CYTH3: variants seen among roughly 807,000 people sequenced by gnomAD.
CYTH3 encodes cytohesin 3.
Under a neutral mutation model 55.1 loss-of-function variants are expected in CYTH3, and 23 were observed. The ratio of observed to expected loss-of-function variants is 0.42; its 90% confidence interval spans 0.30 to 0.59. The LOEUF (loss-of-function observed/expected upper bound fraction) is 0.59. CYTH3 is among the 20% of genes least tolerant of loss of function. The pLI is 0.20. For missense variants in CYTH3, 413 were observed against 524.8 expected, an observed-to-expected ratio of 0.79 and a Z score of 2.08; for synonymous variants, 249 against 194.9, an observed-to-expected ratio of 1.28 and a Z score of -2.31.
At chr7:6,244,159 C>G (rs1004086472) in intron 1 of CYTH3, among the ~76,000 whole-genome samples, 2 of 152,178 alleles carry the variant, frequency 1.3e-5, no homozygotes, top group African/African-American at 4.8e-5. Context: ...CAAAGTCGGA[C>G]ACTTTCAGAC....
rs1783210155 is a variant in CYTH3 at position 6,171,926 on chromosome 7, C to A, written c.450-612G>T. 1 of 154,900 alleles carries A rather than the reference C, an allele frequency of 6.5e-6. No homozygotes were observed. The highest frequency in any genetic ancestry group is 6.3e-5 in the Admixed American group (1 of 15,824). 9.6% of individuals were successfully genotyped at this position (154,900 alleles called of 1,614,324 possible). ...CCCCAGCCCAACAACCCGCCCCGCC[C>A]CCGCTCACTGCTTCCCTTCCTTGCG... On this transcript the variant is annotated intron_variant, in intron 6 of 12. Coordinates refer to ENST00000350796, the MANE Select transcript of CYTH3 (RefSeq NM_004227.4). The surrounding 1 kb of genome is among the most constrained non-coding windows in gnomAD (Gnocchi z 6.7).
intron 1 of CYTH3, among the ~76,000 whole-genome samples, chr7:6,201,333 A>C (rs1583779568): frequency 6.6e-6 from 1 of 152,228 alleles, no homozygotes; most frequent in South Asian, 2.1e-4. Context: ...GGCAGGCAGG[A>C]AAGCCGCAGA....
chr7:6,272,409 C>A, intron 1 of CYTH3, 65 bp downstream of exon 1: 1 of 1,212,386 alleles, frequency 8.2e-7, no homozygotes, highest in Admixed American at 3.4e-5. Flanking sequence ...GCCGCGCCCT[C>A]GACCCCCAGC....
chr7:6,230,608 T>C (rs774975238), intron 1 of CYTH3, among the ~76,000 whole-genome samples: 34 of 152,180 alleles, frequency 2.2e-4, no homozygotes, highest in Non-Finnish European at 4.6e-4. Context: ...GCGTCCACAA[T>C]ACTAGACACA....
At chr7:6,237,486 G>C (rs1779553356) in intron 1 of CYTH3, among the ~76,000 whole-genome samples, 1 of 152,108 alleles carries the variant, frequency 6.6e-6, no homozygotes, top group South Asian at 2.1e-4. Flanking sequence ...GAGGCGGGCG[G>C]ATCTCCAGGT....
intron 1 of CYTH3, among the ~76,000 whole-genome samples, chr7:6,219,283 AT>A (rs760148194): frequency 2.6e-5 from 4 of 152,310 alleles, no homozygotes; most frequent in Non-Finnish European, 5.9e-5. Context: ...TAATTGAGGC[AT>A]TTTCCAAGCA....
chr7:6,206,236 A>G (rs1157377994), intron 1 of CYTH3, among the ~76,000 whole-genome samples: 1 of 152,226 alleles, frequency 6.6e-6, no homozygotes, highest in Non-Finnish European at 1.5e-5. Context: ...ATTTAAAAAT[A>G]TATGGTCTAT....
chr7:6,165,540 C>T lies in CYTH3; in HGVS notation c.972+5G>A. On this transcript the variant is annotated splice_donor_5th_base_variant and intron_variant, in intron 11 of 12. Transcript: ENST00000350796. ...AGGAGAGAAGGTTCAGGAGGAAGAG[C>T]TTACGGGTTTCCGGGGGTCCTCCAC... 6.2e-7 allele frequency: 1 copy of T among 1,613,598 alleles called. No homozygotes were observed. Among genetic ancestry groups the T allele is most frequent in the Non-Finnish European group, 8.5e-7 (1 of 1,179,710 alleles).
chr7:6,251,983 T>A (rs144900282), intron 1 of CYTH3, among the ~76,000 whole-genome samples: 1 of 152,228 alleles, frequency 6.6e-6, no homozygotes, highest in Non-Finnish European at 1.5e-5. Context: ...GATCATTACA[T>A]TGATCATAAA....
intron 1 of CYTH3, among the ~76,000 whole-genome samples, chr7:6,238,645 A>T (rs1053445338): frequency 6.6e-6 from 1 of 152,158 alleles, no homozygotes. Flanking sequence ...ATTTGCCCAA[A>T]CCTATAGAAT....
At position 6,272,568 on chromosome 7, in the gene CYTH3, G is replaced by C; in HGVS notation, c.-61C>G. 8.3e-7 allele frequency: 1 copy of C among 1,198,224 alleles called. No homozygotes were observed. Among genetic ancestry groups the C allele is most frequent in the South Asian group, 2.4e-5 (1 of 41,996 alleles). The allele number at this position is 1,198,224 out of a possible 1,614,324, so 74.2% of individuals were successfully genotyped here. ...CGGCAGCAGAGGGGCCGCGGGCTGG[G>C]GACGCCGCCGGAGGGAGCGCGCAGG... On this transcript the variant is annotated 5_prime_UTR_variant, in exon 1 of 13. Transcript: ENST00000350796.
chr7:6,239,252 AGAG>A (rs1310527729), intron 1 of CYTH3, among the ~76,000 whole-genome samples: 5 of 152,102 alleles, frequency 3.3e-5, no homozygotes, highest in Admixed American at 3.3e-4. Context: ...AGGGGAGGGG[AGAG>A]GAGAGAAGAG....
chr7:6,225,045 G>GGACT (rs2128552417), intron 1 of CYTH3, among the ~76,000 whole-genome samples: 1 of 152,320 alleles, frequency 6.6e-6, no homozygotes, highest in South Asian at 2.1e-4. Context: ...GCTGGGGTAA[G>GGACT]GACTGACTGC....
At chr7:6,181,207 A>T (rs1348906734) in intron 4 of CYTH3, among the ~76,000 whole-genome samples, 1 of 152,208 alleles carries the variant, frequency 6.6e-6, no homozygotes, top group East Asian at 1.9e-4. Context: ...AAAATCTTTT[A>T]AACAATAAAT....
intron 1 of CYTH3, among the ~76,000 whole-genome samples, chr7:6,213,541 T>C (rs541729837): frequency 3.2e-4 from 49 of 152,190 alleles, no homozygotes; most frequent in African/African-American, 1.1e-3. Context: ...GTTTTTTGTT[T>C]GTTTGTTTGT....
chr7:6,235,855 T>C (rs1779509703), intron 1 of CYTH3, among the ~76,000 whole-genome samples: 1 of 152,072 alleles, frequency 6.6e-6, no homozygotes. Context: ...AGTCTCCCGC[T>C]ATAAAAACAA....
intron 1 of CYTH3, among the ~76,000 whole-genome samples, chr7:6,215,114 G>A (rs1399312110): frequency 6.6e-6 from 1 of 152,168 alleles, no homozygotes; most frequent in South Asian, 2.1e-4. Context: ...AGTACTGGTT[G>A]GATTTTAAAA....
rs545855726 is a variant in CYTH3, at chr7:6,271,518, C to T, written c.34+956G>A. Among the ~76,000 whole-genome samples the T allele has an allele frequency of 2.6e-5, 4 of 152,166 alleles. No homozygotes were observed. In the South Asian group the frequency reaches 8.3e-4, roughly 32 times the overall value. ...AAAAAAGTCTAGAGAACCTCAACTT[C>T]GGCTGTTCCTGTAAAAACACGGGCA... On this transcript the variant is annotated intron_variant, in intron 1 of 12. Coordinates refer to ENST00000350796, the MANE Select transcript of CYTH3 (RefSeq NM_004227.4).
At chr7:6,178,743 G>A (rs368769224) in intron 4 of CYTH3, among the ~76,000 whole-genome samples, 52 of 152,272 alleles carry the variant, frequency 3.4e-4, no homozygotes, top group African/African-American at 1.2e-3. Flanking sequence ...CTGACATGCT[G>A]TGCCACCAAG....
Sources: gnomAD v4.1 joint callset for allele counts (sites outside exome capture counted in the v4.1 genomes callset) on GRCh38, gnomAD v4.1.1 for gene constraint, Gnocchi (gnomAD v3.1) non-coding constraint, MANE v1.5 for transcripts, NCBI Gene and HGNC (gene_info 2026-07-23, HGNC 2026-07-21) for gene names.